Variants in SLC20A2 observed in about 807,000 individuals in gnomAD.
The protein encoded by SLC20A2 is solute carrier family 20 member 2, also known as sodium-dependent phosphate transporter 2.
A neutral mutation model predicts 61.0 loss-of-function variants in SLC20A2; 30 were observed. That is an observed-to-expected ratio of 0.49 (90% CI 0.37 to 0.67). The LOEUF (loss-of-function observed/expected upper bound fraction) is 0.67. Ranked by LOEUF, SLC20A2 falls within the 30% of genes least tolerant of loss-of-function variation. SLC20A2 has a pLI of 0.00. For synonymous variants in SLC20A2, 351 were observed against 353.3 expected, an observed-to-expected ratio of 0.99 and a Z score of 0.07; for missense variants, 626 against 866.4, an observed-to-expected ratio of 0.72 and a Z score of 3.48.
intron 1 of SLC20A2, among the ~76,000 whole-genome samples, chr8:42,529,285 T>A (rs1367175071): frequency 1.3e-5 from 2 of 152,152 alleles, no homozygotes; most frequent in East Asian, 1.9e-4. Flanking sequence ...CTCATTTTTT[T>A]AAATGTAATA....
intron 2 of SLC20A2, among the ~76,000 whole-genome samples, chr8:42,469,726 GAGACCAGCCTGACT>G (rs888285895): frequency 3.3e-5 from 5 of 152,056 alleles, no homozygotes; most frequent in Non-Finnish European, 5.9e-5. Context: ...TCAGGAGTTT[GAGACCAGCCTGACT>G]AACATGGTGA....
chr8:42,470,578 C>T lies in SLC20A2; in HGVS notation c.289+1524G>A, dbSNP rs867027261. On this transcript the variant is annotated intron_variant, in intron 2 of 10. Coordinates refer to ENST00000520262, the MANE Select transcript of SLC20A2 (RefSeq NM_001257180.2). ...TGGCCTACAGTGCTTGGTGAATATG[C>T]AATTCCTTAGTACAACAGGCTGCTT... Among the ~76,000 whole-genome samples the T allele has an allele frequency of 2.6e-5, 4 of 152,222 alleles. No homozygotes were observed. In the Middle Eastern group the frequency reaches 0.01, roughly 388 times the overall value.
chr8:42,529,133 C>T (rs915675628), intron 1 of SLC20A2, among the ~76,000 whole-genome samples: 1 of 152,040 alleles, frequency 6.6e-6, no homozygotes, highest in Non-Finnish European at 1.5e-5. Context: ...TGCCACCACA[C>T]CCAGCTAATT....
rs531358666 is a variant in SLC20A2 at position 42,476,331 on chromosome 8, C to G, written c.-264-3677G>C. 1.5e-4 allele frequency among the ~76,000 whole-genome samples: 23 copies of G among 151,958 alleles called. No individual in the cohort carries two copies. In the East Asian group the frequency reaches 4.1e-3, roughly 27 times the overall value. On this transcript the variant is annotated intron_variant, in intron 1 of 10. Coordinates refer to ENST00000520262, the MANE Select transcript of SLC20A2 (RefSeq NM_001257180.2). Reference sequence around the variant, plus strand: ...TGTTAGCCAGGATGGTCTCAATCTGCTGACCTCGTGATCCGCCCGCCTCAG... The same window carrying G: ...TGTTAGCCAGGATGGTCTCAATCTGGTGACCTCGTGATCCGCCCGCCTCAG...
At chr8:42,485,447 G>A (rs1339967486) in intron 1 of SLC20A2, among the ~76,000 whole-genome samples, 1 of 151,352 alleles carries the variant, frequency 6.6e-6, no homozygotes, top group African/African-American at 2.4e-5. Context: ...TTCGAGACCA[G>A]CCTGGCCAAC....
chr8:42,484,887 G>T, intron 1 of SLC20A2: 1 of 404,794 alleles, frequency 2.5e-6, no homozygotes, highest in South Asian at 1.9e-5. Flanking sequence ...TGAGCATCTC[G>T]GCCATGCAGC....
chr8:42,441,940 CTTTT>C (rs983628520), intron 6 of SLC20A2, among the ~76,000 whole-genome samples: 1 of 145,316 alleles, frequency 6.9e-6, no homozygotes, highest in South Asian at 2.2e-4. Flanking sequence ...TCAAGTTGTC[CTTTT>C]TTTTTTTGAG....
At chr8:42,458,518 G>A (rs1162460179) in intron 5 of SLC20A2, among the ~76,000 whole-genome samples, 6 of 151,920 alleles carry the variant, frequency 3.9e-5, no homozygotes, top group Admixed American at 1.3e-4. Flanking sequence ...GGCTACTCAG[G>A]GGGCTGAGGT....
chr8:42,497,344 A>G (rs1252002279), intron 1 of SLC20A2, among the ~76,000 whole-genome samples: 3 of 152,210 alleles, frequency 2.0e-5, no homozygotes, highest in African/African-American at 7.2e-5. Context: ...CTCAAATGTC[A>G]ACGTGCACCA....
Position 42,518,642 on chromosome 8 carries a change from A to G in SLC20A2, c.-265+23179T>C, listed in dbSNP as rs1811465840. Among the ~76,000 whole-genome samples the G allele has an allele frequency of 2.0e-5, 3 of 152,244 alleles. No individual in the cohort carries two copies. In the South Asian group the frequency reaches 6.2e-4, roughly 32 times the overall value. On this transcript the variant is annotated intron_variant, in intron 1 of 10. Coordinates refer to the SLC20A2 transcript ENST00000342228. ...TGTATACTTTCACTTGTTACAAGTA[A>G]ATAGTTTTACAAAGTAAAGAATTAA...
At chr8:42,469,762 T>C (rs1807477280) in intron 2 of SLC20A2, among the ~76,000 whole-genome samples, 1 of 151,968 alleles carries the variant, frequency 6.6e-6, no homozygotes, top group South Asian at 2.1e-4. Context: ...ACCCCATCTC[T>C]ACCAAAAATA....
intron 5 of SLC20A2, among the ~76,000 whole-genome samples, chr8:42,447,997 C>T (rs549124578): frequency 3.1e-4 from 47 of 152,354 alleles, no homozygotes; most frequent in African/African-American, 1.1e-3. Flanking sequence ...TTGCACTGGG[C>T]TGTGTCTGGG....
intron 5 of SLC20A2, among the ~76,000 whole-genome samples, chr8:42,455,461 C>T (rs1256766592): frequency 6.6e-6 from 1 of 151,468 alleles, no homozygotes; most frequent in Non-Finnish European, 1.5e-5. Flanking sequence ...GAGATAGAGA[C>T]CATCCTGGCT....
intron 1 of SLC20A2, among the ~76,000 whole-genome samples, chr8:42,474,818 G>T (rs140138048): frequency 1.2e-4 from 19 of 152,060 alleles, no homozygotes; most frequent in African/African-American, 4.3e-4. Context: ...ATGCAGGCAG[G>T]AGACGGTGCC....
In SLC20A2 at chr8:42,522,161, C is replaced by A. The variant is rs1049817082; in HGVS notation, c.-265+19660G>T. 2.0e-4 allele frequency among the ~76,000 whole-genome samples: 24 copies of A among 120,748 alleles called. 4 individuals are homozygous for A. Among genetic ancestry groups the A allele is most frequent in the African/African-American group, 4.8e-4 (19 of 39,372 alleles). 79.2% of individuals were successfully genotyped at this position (120,748 alleles called of 152,430 possible). Reference sequence around the variant, plus strand: ...TGGATGGCTAGAGAGGAGAAGACTGCCAGAATAATAGTGAGCAAGCAGTTA... The same window carrying A: ...TGGATGGCTAGAGAGGAGAAGACTGACAGAATAATAGTGAGCAAGCAGTTA... On this transcript the variant is annotated intron_variant, in intron 1 of 10. Coordinates refer to the SLC20A2 transcript ENST00000342228.
intron 5 of SLC20A2, among the ~76,000 whole-genome samples, chr8:42,449,474 A>C (rs1483675587): frequency 6.6e-6 from 1 of 152,214 alleles, no homozygotes; most frequent in African/African-American, 2.4e-5. Flanking sequence ...ATACGAGCTC[A>C]GTCTCCATTG....
rs112181747 is a variant in SLC20A2, at chr8:42,461,808, C to A, written c.516+1197G>T. 2.0e-3 allele frequency among the ~76,000 whole-genome samples: 303 copies of A among 152,200 alleles called. 2 individuals carry two copies. The highest frequency in any genetic ancestry group is 6.8e-3 in the African/African-American group (281 of 41,520). On this transcript the variant is annotated intron_variant, in intron 4 of 10. Coordinates refer to ENST00000520262, the MANE Select transcript of SLC20A2 (RefSeq NM_001257180.2). The stretch of plus-strand genomic sequence containing the variant: ...CTCTCTCTCCCTCCCTCCTTTCCAT[C>A]TATCCATCCCTCTATCTGCCACTCA...
chr8:42,450,817 C>A (rs889970603), intron 5 of SLC20A2, among the ~76,000 whole-genome samples: 1 of 152,160 alleles, frequency 6.6e-6, no homozygotes, highest in Non-Finnish European at 1.5e-5. Flanking sequence ...GAGCCATGAG[C>A]CTGGCTGGTA....
chr8:42,528,946 C>G (rs1330381737), intron 1 of SLC20A2, among the ~76,000 whole-genome samples: 1 of 149,988 alleles, frequency 6.7e-6, no homozygotes, highest in African/African-American at 2.5e-5. Flanking sequence ...GGATTACAGG[C>G]ATGAGCCACC....
Sources: gnomAD v4.1 joint callset for allele counts (sites outside exome capture counted in the v4.1 genomes callset) on GRCh38, gnomAD v4.1.1 for gene constraint, MANE v1.5 for transcripts, NCBI Gene and HGNC (gene_info 2026-07-23, HGNC 2026-07-21) for gene names.